Variants in AHCTF1 observed in about 807,000 individuals in gnomAD.
AHCTF1 encodes the protein AT-hook containing transcription factor 1.
Under a neutral mutation model 248.4 loss-of-function variants are expected in AHCTF1, and 24 were observed. The ratio of observed to expected loss-of-function variants is 0.10; its 90% confidence interval spans 0.07 to 0.14. The LOEUF (loss-of-function observed/expected upper bound fraction) is 0.14. Ranked by LOEUF, AHCTF1 falls within the 10% of genes least tolerant of loss-of-function variation. AHCTF1 has a pLI of 1.00. For synonymous variants in AHCTF1, 786 were observed against 929.8 expected (o/e 0.85, Z 2.81); for missense variants, 2,206 against 2,636.2 (o/e 0.84, Z 3.57).
intron 14 of AHCTF1, 109 bp from the exon 15 acceptor site, chr1:246,892,028 CATTAT>C: frequency 1.7e-6 from 2 of 1,200,400 alleles, no homozygotes; most frequent in Non-Finnish European, 2.3e-6. Context: ...TTATTCTATT[CATTAT>C]GAGATTTATA....
intron 4 of AHCTF1, among the ~76,000 whole-genome samples, chr1:246,912,849 C>T (rs1572458069): frequency 6.6e-6 from 1 of 152,222 alleles, no homozygotes; most frequent in East Asian, 1.9e-4. Flanking sequence ...TATGTTAGAT[C>T]CTACATTGCT....
intron 4 of AHCTF1, among the ~76,000 whole-genome samples, chr1:246,911,663 T>C (rs576219030): frequency 6.6e-6 from 1 of 152,208 alleles, no homozygotes; most frequent in South Asian, 2.1e-4. Context: ...TTATATTTTT[T>C]AGTAGAGACG....
intron 32 of AHCTF1, 85 bp from the exon 33 acceptor site, chr1:246,851,527 G>A: frequency 1.6e-6 from 2 of 1,219,066 alleles, no homozygotes; most frequent in Non-Finnish European, 2.3e-6. Context: ...ATGACCCTTG[G>A]CTGTGTGCCT....
intron 31 of AHCTF1, among the ~76,000 whole-genome samples, chr1:246,855,323 T>G (rs865943317): frequency 1.5e-4 from 22 of 150,840 alleles, no homozygotes; most frequent in African/African-American, 5.1e-4. Flanking sequence ...CTCATTGGAT[T>G]AAAAAAAAAA....
chr1:246,905,368 G>A (rs1049822563), intron 6 of AHCTF1, among the ~76,000 whole-genome samples, 173 bp downstream of exon 6: 2 of 152,092 alleles, frequency 1.3e-5, no homozygotes, highest in African/African-American at 4.8e-5. Context: ...CATGGTGACA[G>A]GCACCTGTAG....
chr1:246,864,275 A>AAGTC (rs1201598513), intron 26 of AHCTF1, 159 bp from the exon 27 acceptor site: 1 of 718,058 alleles, frequency 1.4e-6, no homozygotes, highest in African/African-American at 1.8e-5. Context: ...TGCATTCAAA[A>AAGTC]AGTCAGAAAA....
intron 4 of AHCTF1, 69 bp from the exon 5 acceptor site, chr1:246,907,827 A>G (rs1394127502): frequency 1.5e-6 from 2 of 1,316,324 alleles, no homozygotes; most frequent in African/African-American, 2.9e-5. Context: ...TATGTCATCC[A>G]TTATTCAAGC....
At chr1:246,929,937 A>T (rs1667219366) in intron 1 of AHCTF1, among the ~76,000 whole-genome samples, 1 of 152,104 alleles carries the variant, frequency 6.6e-6, no homozygotes, top group Non-Finnish European at 1.5e-5. Flanking sequence ...CTGTAATCCC[A>T]GCTACTCAGG....
chr1:246,880,080 T>C (rs1332834565), intron 21 of AHCTF1, among the ~76,000 whole-genome samples: 1 of 151,994 alleles, frequency 6.6e-6, no homozygotes, highest in Non-Finnish European at 1.5e-5. Context: ...GTTTAGAAGA[T>C]CTTAGGAAGA....
chr1:246,868,067 A>G (rs1444639760), intron 24 of AHCTF1, among the ~76,000 whole-genome samples: 4 of 151,194 alleles, frequency 2.6e-5, no homozygotes, highest in Non-Finnish European at 5.9e-5. Context: ...GGTTCAAGCG[A>G]TTCTCCTGCC....
chr1:246,921,403 A>G (rs1056376888), intron 1 of AHCTF1, among the ~76,000 whole-genome samples: 1 of 152,170 alleles, frequency 6.6e-6, no homozygotes, highest in African/African-American at 2.4e-5. Context: ...CCACTCACCA[A>G]ATAAATTATT....
rs200641823 is a variant in AHCTF1, at chr1:246,851,442, C to T, written c.4564G>A (p.Val1522Met). 15 of 1,597,084 alleles carry T rather than the reference C, an allele frequency of 9.4e-6. No individual in the cohort carries two copies. In the African/African-American group the frequency reaches 1.8e-4, roughly 19 times the overall value. Residue 1522 changes from valine to methionine, a missense_variant and splice_region_variant, in exon 33 of 36, where the codon GTG (valine) becomes ATG (methionine). This residue lies in a region of AHCTF1 where 955 missense variants were observed against 1,055.6 expected (regional missense o/e 0.90). Transcript: ENST00000648844. ...DSPPDTQEIHVIEQEKLEAQD... is the reference protein window; with the variant it reads ...DSPPDTQEIHMIEQEKLEAQD... ...GCTTCAAGCTTTTCTTGTTCAATCA[C>T]CTAAATGAATTAAAGATAAGAGACT...
rs142265630 is a variant in AHCTF1 at position 246,920,823 on chromosome 1, C to T, written c.-7-2446G>A. Among the ~76,000 whole-genome samples the T allele has an allele frequency of 4.2e-3, 640 of 151,780 alleles. 7 individuals carry two copies. Among genetic ancestry groups the T allele is most frequent in the African/African-American group, 0.015 (620 of 41,404 alleles). ...AAAAGCATCCAGGCACGGTGCCTCA[C>T]GCCTATAATCCCAGCACTGTGGGAG... On this transcript the variant is annotated intron_variant, in intron 1 of 35. Transcript: ENST00000648844.
intron 16 of AHCTF1, 148 bp from the exon 17 acceptor site, chr1:246,890,207 A>G: frequency 2.0e-6 from 1 of 501,316 alleles, no homozygotes; most frequent in Non-Finnish European, 3.5e-6. Flanking sequence ...AGATTACTAC[A>G]CATCTTTTTA....
chr1:246,922,965 A>G (rs1178815959), intron 1 of AHCTF1, among the ~76,000 whole-genome samples: 3 of 137,088 alleles, frequency 2.2e-5, no homozygotes, highest in Non-Finnish European at 4.6e-5. Flanking sequence ...CCTGGGCGAC[A>G]GAGCGAGACT....
intron 20 of AHCTF1, among the ~76,000 whole-genome samples, chr1:246,885,946 G>A (rs1206828166): frequency 6.6e-6 from 1 of 152,152 alleles, no homozygotes; most frequent in Non-Finnish European, 1.5e-5. Flanking sequence ...CCGCACTTTG[G>A]GAGGCCAAGA....
chr1:246,864,230 A>C (rs1661789392), intron 26 of AHCTF1, 114 bp from the exon 27 acceptor site: 1 of 1,036,628 alleles, frequency 9.6e-7, no homozygotes, highest in Non-Finnish European at 1.4e-6. Flanking sequence ...ATGCAAATAC[A>C]GTCAAGTATA....
chr1:246,862,126 T>A lies in AHCTF1; in HGVS notation c.3568A>T (p.Thr1190Ser), dbSNP rs753006968. 5.0e-6 allele frequency: 8 copies of A among 1,606,784 alleles called. No homozygotes were observed. In the Admixed American group the frequency reaches 8.6e-5, roughly 17 times the overall value. The change falls in exon 28 of 36, where the codon ACT becomes TCT. Residue 1190 changes from threonine (T) to serine (S), a missense_variant. Physicochemically the swap from Thr to Ser is moderately conservative, Grantham distance 58. Coordinates refer to ENST00000648844, the MANE Select transcript of AHCTF1 (RefSeq NM_001323342.2). ...KKAKSLAMSV[T>S]TSGFSEFTPQ... ...GTGAACTCAGAAAATCCAGAAGTAG[T>A]AACTGACATGGCCAAACTTTTAGCT...
chr1:246,867,843 A>C, intron 24 of AHCTF1, 32 bp from the exon 25 acceptor site: 1 of 1,557,704 alleles, frequency 6.4e-7, no homozygotes, highest in Non-Finnish European at 8.7e-7. Flanking sequence ...AATTAAGTGC[A>C]TCTCTAACAA....
Sources: gnomAD v4.1 joint callset for allele counts (sites outside exome capture counted in the v4.1 genomes callset) on GRCh38, gnomAD v4.1.1 for gene constraint, gnomAD v4.1.1 regional missense constraint, MANE v1.5 for transcripts, NCBI Gene and HGNC (gene_info 2026-07-23, HGNC 2026-07-21) for gene names.